ADAM33: variants seen among roughly 807,000 people sequenced by gnomAD.
The protein encoded by ADAM33 is ADAM metallopeptidase domain 33.
ADAM33 carries 103 observed loss-of-function variants against 106.2 expected under a neutral mutation model. The ratio of observed to expected loss-of-function variants is 0.97; its 90% CI spans 0.83 to 1.14. ADAM33 has a LOEUF of 1.14. ADAM33 is among the 50% of genes most tolerant of loss of function. ADAM33 has a pLI of 0.00. For missense variants in ADAM33, 1,120 were observed against 1,096.6 expected (o/e 1.02, Z -0.30); for synonymous variants, 483 against 453.0 (o/e 1.07, Z -0.84).
intron 5 of ADAM33, 39 bp downstream of exon 5, chr20:3,674,734 T>C: frequency 6.3e-7 from 1 of 1,593,556 alleles, no homozygotes; most frequent in South Asian, 1.1e-5. Context: ...AGGGAGCTCT[T>C]TCCCCATCCC....
intron 6 of ADAM33, 66 bp downstream of exon 6, chr20:3,674,438 C>A (rs511898): frequency 6.2e-7 from 1 of 1,601,504 alleles, no homozygotes; most frequent in Admixed American, 1.7e-5. Flanking sequence ...TGTGAATTCC[C>A]GTCTCTTCTG....
Position 3,671,976 on chromosome 20 carries a change from G to A in ADAM33, c.1607C>T (p.Pro536Leu). 6.4e-7 allele frequency: 1 copy of A among 1,555,440 alleles called. No homozygotes were observed. The change falls in exon 15 of 22, where the codon CCA (proline) becomes CTA (leucine). Residue 536 changes from proline to leucine, a missense_variant. Coordinates refer to ENST00000356518, the MANE Select transcript of ADAM33 (RefSeq NM_025220.5). ...CQQLWGPGSHPAPEACFQVVN... is the reference protein window; with the variant it reads ...CQQLWGPGSHLAPEACFQVVN... The stretch of plus-strand genomic sequence containing the variant: ...CACCTGGAAACAGGCCTCGGGAGCT[G>A]GGTGGGAGCCTGAGGAAGCATGGGC...
In ADAM33 at chr20:3,679,641, A is replaced by AG. The variant is rs1170915807; in HGVS notation, c.98-71dup. ...CAGGGGCATGGGACAAAGCAGAGGG[A>AG]GGGGGGTAGAGGACATCCCCAGGGA... is the stretch of plus-strand genomic sequence containing the variant. On this transcript the variant is annotated intron_variant, in intron 1 of 21. Coordinates refer to ENST00000356518, the MANE Select transcript of ADAM33 (RefSeq NM_025220.5). The AG allele has an allele frequency of 5.1e-6, 7 of 1,382,492 alleles. No individual in the cohort carries two copies. The East Asian group carries it at 7.4e-5, about 15-fold the overall frequency. 85.6% of individuals were successfully genotyped at this position (1,382,492 alleles called of 1,614,324 possible).
Position 3,673,744 on chromosome 20 carries a change from C to G in ADAM33, c.905+1G>C. On this transcript the variant is annotated splice_donor_variant, in intron 9 of 21. Coordinates refer to ENST00000356518, the MANE Select transcript of ADAM33 (RefSeq NM_025220.5). LOFTEE classifies it high-confidence loss of function. Reference sequence around the variant, plus strand: ...CCCGCGTCCGGGTCAGAGGCACCCACGTGAGCAGCTGCGCGGAGTCGTGGG... The same window carrying G: ...CCCGCGTCCGGGTCAGAGGCACCCAGGTGAGCAGCTGCGCGGAGTCGTGGG... 1 of 1,498,790 alleles carries G rather than the reference C, an allele frequency of 6.7e-7. No individual in the cohort carries two copies. The highest frequency in any genetic ancestry group is 8.9e-7 in the Non-Finnish European group (1 of 1,128,620). 92.8% of individuals were successfully genotyped at this position (1,498,790 alleles called of 1,614,324 possible).
At chr20:3,681,512 C>A (rs757798138) in intron 1 of ADAM33, among the ~76,000 whole-genome samples, 70 of 152,002 alleles carry the variant, frequency 4.6e-4, no homozygotes, top group Non-Finnish European at 9.6e-4. Context: ...CCGCTGAGTC[C>A]TAAGGGGTGG....
Position 3,675,248 on chromosome 20 carries a change from C to G in ADAM33, c.255-143G>C. ...GTGTGTCTTAGGGAAGGGACAGGAG[C>G]AATGGTGACTTGCTCAGATCAGAAA... On this transcript the variant is annotated intron_variant, in intron 3 of 21. Transcript: ENST00000356518. The surrounding 1 kb of genome is among the most constrained non-coding windows in gnomAD (Gnocchi z 4.1). 1 of 658,390 alleles carries G rather than the reference C, an allele frequency of 1.5e-6. No individual in the cohort carries two copies. The highest frequency in any genetic ancestry group is 2.7e-6 in the Non-Finnish European group (1 of 372,906). The allele number at this position is 658,390 out of a possible 1,614,324, so 40.8% of individuals were successfully genotyped here.
intron 20 of ADAM33, 24 bp from the exon 21 acceptor site, chr20:3,669,394 A>G (rs753058225): frequency 6.3e-7 from 1 of 1,595,364 alleles, no homozygotes; most frequent in South Asian, 1.1e-5. Flanking sequence ...TGGAGGGTAA[A>G]TGTTGTGAAT....
At chr20:3,679,948 G>GC (rs1231317520) in intron 1 of ADAM33, among the ~76,000 whole-genome samples, 1 of 152,164 alleles carries the variant, frequency 6.6e-6, no homozygotes, top group Admixed American at 6.5e-5. Context: ...GGCAGCAGAT[G>GC]CCTTTAGGGT....
At position 3,678,919 on chromosome 20, in the gene ADAM33, TG is replaced by T. The variant is rs1321453505; in HGVS notation, c.177+572del. Among the ~76,000 whole-genome samples, 4 of 152,242 alleles carry T rather than the reference TG, an allele frequency of 2.6e-5. No homozygotes were observed. In the East Asian group the frequency reaches 7.7e-4, roughly 29 times the overall value. Reference sequence around the variant, plus strand: ...GTGAAGAGCGGGATTGGGAAGAGGCTGGGGCAGAGCGTCCTGCAGAAGAAGC... The same window carrying T: ...GTGAAGAGCGGGATTGGGAAGAGGCTGGGCAGAGCGTCCTGCAGAAGAAGC... On this transcript the variant is annotated intron_variant, in intron 2 of 21. Coordinates refer to ENST00000356518, the MANE Select transcript of ADAM33 (RefSeq NM_025220.5).
intron 3 of ADAM33, among the ~76,000 whole-genome samples, chr20:3,676,512 C>T (rs898506773): frequency 9.9e-5 from 15 of 151,108 alleles, no homozygotes; most frequent in African/African-American, 3.7e-4. Flanking sequence ...GATCTTGGCT[C>T]ACCACAACCT....
intron 1 of ADAM33, 25 bp from the exon 2 acceptor site, chr20:3,679,596 T>C (rs781166973): frequency 1.3e-6 from 2 of 1,588,798 alleles, no homozygotes; most frequent in South Asian, 1.1e-5. Flanking sequence ...GAGCACAGGG[T>C]GAGGGGGACC....
rs1221195511 is a variant in ADAM33 at position 3,671,405 on chromosome 20, C to G, written c.1983+14G>C. The G allele has an allele frequency of 6.2e-7, 1 of 1,612,108 alleles. No individual in the cohort carries two copies. Among genetic ancestry groups the G allele is most frequent in the Admixed American group, 1.7e-5 (1 of 59,998 alleles). ...TAGGAACCCCAAGGTCACCCCCACT[C>G]CTCGGGCTCTCACCCCGTGGCTGTG... On this transcript the variant is annotated intron_variant, in intron 17 of 21. Coordinates refer to ENST00000356518, the MANE Select transcript of ADAM33 (RefSeq NM_025220.5).
intron 2 of ADAM33, among the ~76,000 whole-genome samples, chr20:3,678,158 G>T (rs916658068): frequency 6.6e-6 from 1 of 152,248 alleles, no homozygotes; most frequent in Non-Finnish European, 1.5e-5. Context: ...CCGGGAAAAA[G>T]GCCATACTCG....
At position 3,668,437 on chromosome 20, in the gene ADAM33, A is replaced by G; in HGVS notation, c.*526T>C. 6.0e-6 allele frequency: 1 copy of G among 167,478 alleles called. No individual in the cohort carries two copies. The highest frequency in any genetic ancestry group is 1.3e-5 in the Non-Finnish European group (1 of 76,704). The allele number at this position is 167,478 out of a possible 1,614,324, so 10.4% of individuals were successfully genotyped here. A position where few individuals can be genotyped will look rare whatever the true frequency, so the allele number is the denominator to read the frequency against. On this transcript the variant is annotated 3_prime_UTR_variant, in exon 22 of 22. Coordinates refer to ENST00000356518, the MANE Select transcript of ADAM33 (RefSeq NM_025220.5). ...GGGGGTGGGGGCTCAGGAACCACCT[A>G]GGGGAGAAGACAGGGTGGGAAGAAA...
chr20:3,669,351 C>A lies in ADAM33; in HGVS notation c.2352G>T (p.Glu784Asp). The change falls in exon 21 of 22, where the codon GAG becomes GAT. Residue 784 changes from glutamate (E) to aspartate (D), a missense_variant. Physicochemically the swap from Glu to Asp is conservative, Grantham distance 45. Coordinates refer to ENST00000356518, the MANE Select transcript of ADAM33 (RefSeq NM_025220.5). ...PWPLDPENSH[E>D]PSSHPEKPLP... ...GAGGCTTCTCAGGGTGGCTGCTGGG[C>A]TCATGAGAGTTCTCAGGGTCTGGGA... 1 of 1,605,116 alleles carries A rather than the reference C, an allele frequency of 6.2e-7. No homozygotes were observed. The highest frequency in any genetic ancestry group is 1.8e-5 in the Admixed American group (1 of 56,920).
intron 6 of ADAM33, 24 bp from the exon 7 acceptor site, chr20:3,674,308 C>T (rs770818309): frequency 2.7e-5 from 43 of 1,613,482 alleles, no homozygotes; most frequent in Non-Finnish European, 1.0e-5. Flanking sequence ...AATGGGGACC[C>T]TGAGTGGAAG....
Position 3,671,728 on chromosome 20 carries a change from G to A in ADAM33, c.1758C>T (p.Leu586=), listed in dbSNP as rs138450650. 1.0e-5 allele frequency: 16 copies of A among 1,584,088 alleles called. No individual in the cohort carries two copies. The highest frequency in any genetic ancestry group is 1.7e-4 in the Middle Eastern group (1 of 6,058). ...AGTCCACTGGCACCATGTGCGGTGCGAGCAGGCTGGGCTTTCCACCCTGGC... is the reference window on the plus strand; with the variant it reads ...AGTCCACTGGCACCATGTGCGGTGCAAGCAGGCTGGGCTTTCCACCCTGGC... ...LQCQGGKPSL[L]APHMVPVDST... Residue 586 remains leucine (L), a synonymous_variant, in exon 16 of 22, where the codon CTC becomes CTT. Transcript: ENST00000356518.
At chr20:3,672,059 C>T (rs1202409066) in intron 14 of ADAM33, 74 bp from the exon 15 acceptor site, 1 of 1,569,688 alleles carries the variant, frequency 6.4e-7, no homozygotes, top group Admixed American at 1.9e-5. Flanking sequence ...TTCCCCTGCC[C>T]ATCTTCCCCA....
chr20:3,670,181 C>A, intron 19 of ADAM33: 1 of 184,302 alleles, frequency 5.4e-6, no homozygotes, highest in Admixed American at 5.6e-5. Flanking sequence ...GCTCTGGCCA[C>A]CTTGCTCCTC....
Sources: allele counts gnomAD v4.1 joint callset (sites outside exome capture counted in the v4.1 genomes callset), GRCh38; gene constraint gnomAD v4.1.1; non-coding constraint Gnocchi (gnomAD v3.1); transcripts MANE v1.5; gene names NCBI Gene and HGNC (gene_info 2026-07-23, HGNC 2026-07-21).